CFAP61: variants seen among roughly 807,000 people sequenced by gnomAD.
CFAP61 encodes the protein cilia and flagella associated protein 61, also known as cilia- and flagella-associated protein 61.
A neutral mutation model predicts 135.6 loss-of-function variants in CFAP61; 107 were observed. That is an observed-to-expected ratio of 0.79 (90% confidence interval 0.67 to 0.93). The LOEUF (loss-of-function observed/expected upper bound fraction) is 0.93, where lower values mean the gene tolerates loss of function less well. CFAP61 is among the 40% of genes least tolerant of loss of function. The pLI, the probability that CFAP61 is intolerant of heterozygous loss-of-function variation, is 0.00. For missense variants in CFAP61, 1,507 were observed against 1,556.2 expected, an observed-to-expected ratio of 0.97 and a Z score of 0.53; for synonymous variants, 575 against 578.5, an observed-to-expected ratio of 0.99 and a Z score of 0.09.
At chr20:20,251,851 G>A (rs2146985692) in intron 20 of CFAP61, 88 bp downstream of exon 20, 1 of 1,351,174 alleles carries the variant, frequency 7.4e-7, no homozygotes, top group Admixed American at 1.8e-5. Context: ...ACACACTCTG[G>A]GTAAAGAGCA....
chr20:20,068,179 G>A (rs1420631739), intron 2 of CFAP61, among the ~76,000 whole-genome samples: 2 of 152,188 alleles, frequency 1.3e-5, no homozygotes, highest in Admixed American at 6.5e-5. Flanking sequence ...AGGGGATGGT[G>A]GCTGCGCTGT....
At chr20:20,341,520 A>G (rs1393747772) in intron 25 of CFAP61, among the ~76,000 whole-genome samples, 1 of 152,234 alleles carries the variant, frequency 6.6e-6, no homozygotes, top group Non-Finnish European at 1.5e-5. Context: ...TTCTCAAACG[A>G]GGGCAGATAA....
intron 16 of CFAP61, 64 bp downstream of exon 16, chr20:20,196,840 C>T (rs999445142): frequency 4.4e-5 from 59 of 1,349,942 alleles, no homozygotes; most frequent in South Asian, 9.4e-5. Context: ...TGGTGTTGTA[C>T]GCCGCATTCT....
intron 25 of CFAP61, among the ~76,000 whole-genome samples, chr20:20,307,485 G>A (rs191307220): frequency 7.2e-5 from 11 of 152,250 alleles, no homozygotes; most frequent in African/African-American, 9.6e-5. Context: ...GTTCCTGTTC[G>A]CTACACATCA....
At chr20:20,326,425 A>G (rs984993463) in intron 25 of CFAP61, among the ~76,000 whole-genome samples, 1 of 152,204 alleles carries the variant, frequency 6.6e-6, no homozygotes, top group African/African-American at 2.4e-5. Flanking sequence ...TCCACCTGGA[A>G]ATTGTAAAAT....
At chr20:20,158,004 C>T (rs1213670962) in intron 9 of CFAP61, among the ~76,000 whole-genome samples, 1 of 151,234 alleles carries the variant, frequency 6.6e-6, no homozygotes, top group Non-Finnish European at 1.5e-5. Flanking sequence ...AAAAACCAAA[C>T]ACCGCATATT....
chr20:20,132,090 C>T lies in CFAP61; in HGVS notation c.860-10767C>T, dbSNP rs555356452. 2.6e-5 allele frequency among the ~76,000 whole-genome samples: 4 copies of T among 152,162 alleles called. 1 individual carries two copies. Among genetic ancestry groups the T allele is most frequent in the African/African-American group, 7.2e-5 (3 of 41,546 alleles). Reference sequence around the variant, plus strand: ...TAGCAACTCCCCATTTTCCCCTCTTCTCAGGCTCCTAGCAACTACCATTCT... The same window carrying T: ...TAGCAACTCCCCATTTTCCCCTCTTTTCAGGCTCCTAGCAACTACCATTCT... On this transcript the variant is annotated intron_variant, in intron 8 of 26. Coordinates refer to ENST00000245957, the MANE Select transcript of CFAP61 (RefSeq NM_015585.4).
chr20:20,257,102 AT>A (rs2051673896), intron 20 of CFAP61, among the ~76,000 whole-genome samples: 1 of 152,238 alleles, frequency 6.6e-6, no homozygotes. Context: ...TAAAACAGAT[AT>A]CAAAATTTTT....
At chr20:20,088,461 A>G (rs1472906717) in intron 6 of CFAP61, among the ~76,000 whole-genome samples, 1 of 152,164 alleles carries the variant, frequency 6.6e-6, no homozygotes, top group Admixed American at 6.5e-5. Context: ...AGAAAGAACA[A>G]TGAGAGCCGA....
At chr20:20,326,990 A>G (rs149505089) in intron 25 of CFAP61, among the ~76,000 whole-genome samples, 2 of 152,056 alleles carry the variant, frequency 1.3e-5, no homozygotes, top group African/African-American at 4.8e-5. Flanking sequence ...ATTTATATTT[A>G]AGTTTATTTT....
At chr20:20,115,899 A>G (rs916524443) in intron 8 of CFAP61, among the ~76,000 whole-genome samples, 16 of 152,234 alleles carry the variant, frequency 1.1e-4, no homozygotes, top group African/African-American at 3.9e-4. Context: ...TGCAATAAAC[A>G]TGGAAGTGCA....
Position 20,118,253 on chromosome 20 carries a change from G to GTTCCTTTCTTTC in CFAP61, c.859+19441_859+19442insCCTTTCTTTCTT, listed in dbSNP as rs1201152599. ...TATGGTCTTCATTATTTTGAGGTATGTTTCTTTCTTTCTTTCTTTCTTTCT... is the reference window on the plus strand; with the variant it reads ...TATGGTCTTCATTATTTTGAGGTATGTTCCTTTCTTTCTTTCTTTCTTTCTTTCTTTCTTTCT... On this transcript the variant is annotated intron_variant, in intron 8 of 26. Coordinates refer to ENST00000245957, the MANE Select transcript of CFAP61 (RefSeq NM_015585.4). Among the ~76,000 whole-genome samples, 1,351 of 138,592 alleles carry GTTCCTTTCTTTC rather than the reference G, an allele frequency of 9.7e-3. 45 individuals are homozygous for GTTCCTTTCTTTC. The highest frequency in any genetic ancestry group is 0.088 in the East Asian group (416 of 4,740). The allele number at this position is 138,592 out of a possible 152,430, so 90.9% of individuals were successfully genotyped here. A position where few individuals can be genotyped will look rare whatever the true frequency, so the allele number is the denominator to read the frequency against.
At chr20:20,184,127 A>G (rs1335077418) in intron 13 of CFAP61, among the ~76,000 whole-genome samples, 1 of 152,212 alleles carries the variant, frequency 6.6e-6, no homozygotes, top group Non-Finnish European at 1.5e-5. Flanking sequence ...GTGGACCATG[A>G]TATGGTCTGA....
At chr20:20,140,502 T>C (rs1283535455) in intron 8 of CFAP61, among the ~76,000 whole-genome samples, 1 of 152,078 alleles carries the variant, frequency 6.6e-6, no homozygotes, top group Non-Finnish European at 1.5e-5. Flanking sequence ...ATTTCATCCA[T>C]GTCCCTACAA....
intron 18 of CFAP61, among the ~76,000 whole-genome samples, chr20:20,231,513 T>G (rs2049133986): frequency 6.6e-6 from 1 of 152,156 alleles, no homozygotes; most frequent in African/African-American, 2.4e-5. Flanking sequence ...ACAGTCTCCC[T>G]CAGCCCTGCG....
intron 13 of CFAP61, among the ~76,000 whole-genome samples, chr20:20,178,676 T>TCC (rs75671728): frequency 0.39 from 26,788 of 68,524 alleles, 2,538 homozygotes; most frequent in African/African-American, 0.43. Context: ...TTTAATCGAT[T>TCC]CTCCCCCCCA....
At chr20:20,284,014 C>T (rs558175959) in intron 22 of CFAP61, among the ~76,000 whole-genome samples, 32 of 152,296 alleles carry the variant, frequency 2.1e-4, no homozygotes, top group African/African-American at 7.2e-4. Flanking sequence ...GAGGTGGAAT[C>T]TTGGGAACCA....
chr20:20,092,815 TATA>T (rs900203816), intron 7 of CFAP61, among the ~76,000 whole-genome samples: 5 of 152,174 alleles, frequency 3.3e-5, no homozygotes, highest in African/African-American at 9.7e-5. Flanking sequence ...CTAGGAGGGT[TATA>T]ATAAAAAAGC....
chr20:20,194,612 G>C (rs750635701), intron 15 of CFAP61, among the ~76,000 whole-genome samples: 2 of 152,272 alleles, frequency 1.3e-5, no homozygotes, highest in Middle Eastern at 3.4e-3. Context: ...TGATCAATTT[G>C]GGTGGCTGGC....
Sources: gnomAD v4.1 joint callset for allele counts (sites outside exome capture counted in the v4.1 genomes callset) on GRCh38, gnomAD v4.1.1 for gene constraint, MANE v1.5 for transcripts, NCBI Gene and HGNC (gene_info 2026-07-23, HGNC 2026-07-21) for gene names.